Variants in CACNA1G observed in about 807,000 individuals in gnomAD.
CACNA1G encodes the protein calcium voltage-gated channel subunit alpha1 G.
A neutral mutation model predicts 219.4 loss-of-function variants in CACNA1G; 67 were observed. That is an observed-to-expected ratio of 0.31 (90% CI 0.25 to 0.37). CACNA1G has a LOEUF of 0.37. Ranked by LOEUF, CACNA1G falls within the 10% of genes least tolerant of loss-of-function variation. The pLI, the probability that CACNA1G is intolerant of heterozygous loss-of-function variation, is 1.00. For synonymous variants in CACNA1G, 1,296 were observed against 1,345.3 expected (o/e 0.96, Z 0.80); for missense variants, 2,380 against 3,231.4 (o/e 0.74, Z 6.39).
At chr17:50,594,415 G>A (rs1352937459) in intron 13 of CACNA1G, among the ~76,000 whole-genome samples, 1 of 152,202 alleles carries the variant, frequency 6.6e-6, no homozygotes, top group Non-Finnish European at 1.5e-5. Context: ...TATGAGGCCT[G>A]ACTTGGCTCC....
At chr17:50,614,881 T>G (rs970647553) in intron 26 of CACNA1G, among the ~76,000 whole-genome samples, 1 of 152,188 alleles carries the variant, frequency 6.6e-6, no homozygotes, top group African/African-American at 2.4e-5. Flanking sequence ...CGGTTTTATC[T>G]CCAAATCCCA....
chr17:50,579,236 G>A (rs928787539), intron 9 of CACNA1G, among the ~76,000 whole-genome samples: 8 of 152,190 alleles, frequency 5.3e-5, no homozygotes, highest in Non-Finnish European at 1.0e-4. Flanking sequence ...GGGCTCAGCA[G>A]GGACAGGCAA....
intron 1 of CACNA1G, among the ~76,000 whole-genome samples, chr17:50,567,994 G>A (rs753980733): frequency 6.6e-5 from 10 of 152,176 alleles, no homozygotes; most frequent in Non-Finnish European, 1.3e-4. Flanking sequence ...CACTCTGCAC[G>A]GCTTGGGAGC....
At position 50,603,182 on chromosome 17, in the gene CACNA1G, G is replaced by A; in HGVS notation, c.4152G>A (p.Arg1384=). 1 of 1,605,720 alleles carries A rather than the reference G, an allele frequency of 6.2e-7. No individual in the cohort carries two copies. The highest frequency in any genetic ancestry group is 8.5e-7 in the Non-Finnish European group (1 of 1,179,652). ...LGMLRVLRLL[R]TLRPLRVISR... ...TGCTGAGGGTGCTGCGGCTGCTGCG[G>A]ACCCTGCGCCCGCTCAGGTGACTCC... Residue 1384 remains arginine (R), a synonymous_variant, in exon 21 of 38, where the codon CGG becomes CGA. Coordinates refer to ENST00000359106, the MANE Select transcript of CACNA1G (RefSeq NM_018896.5). This position sits in a 1 kb window ranked among gnomAD's most constrained non-coding sequence, Gnocchi z 6.4.
intron 9 of CACNA1G, 36 bp from the exon 10 acceptor site, chr17:50,590,435 T>C (rs1198633438): frequency 4.3e-6 from 7 of 1,611,906 alleles, no homozygotes; most frequent in Non-Finnish European, 5.9e-6. Flanking sequence ...GGCTCAGTGA[T>C]AAGCCAGCTG....
In CACNA1G at chr17:50,626,063, G is replaced by C; in HGVS notation, c.6446G>C (p.Arg2149Pro). The C allele has an allele frequency of 6.2e-7, 1 of 1,613,262 alleles. No homozygotes were observed. Among genetic ancestry groups the C allele is most frequent in the Non-Finnish European group, 8.5e-7 (1 of 1,179,672 alleles). Residue 2149 changes from arginine (R) to proline (P), a missense_variant, in exon 38 of 38, where the codon CGG becomes CCG. This residue lies in a region of CACNA1G where 672 missense variants were observed against 670.5 expected (regional missense o/e 1.00). Transcript: ENST00000359106. The surrounding 1 kb of genome is among the most constrained non-coding windows in gnomAD (Gnocchi z 4.3). ...DSLDVQGLGS[R>P]EDLLAEVSGP... is the part of the protein sequence containing the mutation. Reference sequence around the variant, plus strand: ...TTGGACGTTCAGGGTCTGGGCAGCCGGGAAGACCTGCTGGCAGAGGTGAGT... The same window carrying C: ...TTGGACGTTCAGGGTCTGGGCAGCCCGGAAGACCTGCTGGCAGAGGTGAGT...
intron 7 of CACNA1G, among the ~76,000 whole-genome samples, chr17:50,574,360 G>C (rs955548206): frequency 2.0e-5 from 3 of 152,234 alleles, no homozygotes; most frequent in African/African-American, 7.2e-5. Context: ...ACAAAATAAG[G>C]CAGCTCCTTG....
intron 9 of CACNA1G, among the ~76,000 whole-genome samples, chr17:50,581,743 A>G (rs1315631129): frequency 6.6e-6 from 1 of 152,242 alleles, no homozygotes; most frequent in Non-Finnish European, 1.5e-5. Context: ...CTGAGGAGAG[A>G]GCAAGAAAAT....
chr17:50,618,316 A>C lies in CACNA1G; in HGVS notation c.5400A>C (p.Thr1800=). The change falls in exon 32 of 38, where the codon ACA becomes ACC. Residue 1800 remains threonine, a synonymous_variant. Coordinates refer to ENST00000359106, the MANE Select transcript of CACNA1G (RefSeq NM_018896.5). The surrounding 1 kb of genome is among the most constrained non-coding windows in gnomAD (Gnocchi z 5.3). ...TCCTAACCCTCTTCCGAGTCTCCAC[A>C]GGTGACAATTGGAATGGCATTATGA... ...MAFLTLFRVS[T]GDNWNGIMKD... is the part of the protein sequence containing the mutation. 1 of 1,613,880 alleles carries C rather than the reference A, an allele frequency of 6.2e-7. No individual in the cohort carries two copies. The highest frequency in any genetic ancestry group is 8.5e-7 in the Non-Finnish European group (1 of 1,179,816).
chr17:50,570,945 G>T (rs552835825), intron 4 of CACNA1G, among the ~76,000 whole-genome samples: 2 of 152,290 alleles, frequency 1.3e-5, no homozygotes, highest in South Asian at 2.1e-4. Context: ...GGGGCCAGGG[G>T]GCCATAGATG....
chr17:50,565,141 A>G (rs201917983), intron 1 of CACNA1G, among the ~76,000 whole-genome samples: 3 of 151,254 alleles, frequency 2.0e-5, no homozygotes, highest in East Asian at 3.9e-4. Flanking sequence ...GCACACACAC[A>G]CGCGCACACA....
intron 20 of CACNA1G, 41 bp from the exon 21 acceptor site, chr17:50,602,974 A>C: frequency 6.2e-7 from 1 of 1,609,850 alleles, no homozygotes; most frequent in Non-Finnish European, 8.5e-7. Flanking sequence ...GGTTGGCTGC[A>C]GCGCAGGGAG....
In CACNA1G at chr17:50,561,430, G is replaced by A. The variant is rs1229815779; in HGVS notation, c.-30G>A. 11 of 1,533,298 alleles carry A rather than the reference G, an allele frequency of 7.2e-6. No homozygotes were observed. The highest frequency in any genetic ancestry group is 1.2e-5 in the South Asian group (1 of 83,948). The allele number at this position is 1,533,298 out of a possible 1,614,324, so 95.0% of individuals were successfully genotyped here. On this transcript the variant is annotated 5_prime_UTR_variant, in exon 1 of 38. Coordinates refer to ENST00000359106, the MANE Select transcript of CACNA1G (RefSeq NM_018896.5). ...TGAGGGGCGCCGCTTGCCCCTCTCC[G>A]GATCGCCCGGGGCCCCGGCTGGCCA...
intron 1 of CACNA1G, among the ~76,000 whole-genome samples, chr17:50,568,605 CA>C (rs1170157631): frequency 6.6e-6 from 1 of 152,188 alleles, no homozygotes; most frequent in Non-Finnish European, 1.5e-5. Context: ...ATGGCTTGTG[CA>C]AATAGTCAGG....
intron 33 of CACNA1G, 68 bp downstream of exon 33, chr17:50,619,076 G>A (rs1454365903): frequency 1.2e-5 from 15 of 1,274,558 alleles, no homozygotes; most frequent in Middle Eastern, 5.2e-4. Flanking sequence ...GGTGGTGGGC[G>A]GGAGCCAAGC....
rs750694318 is a variant in CACNA1G at position 50,604,287 on chromosome 17, T to G, written c.4296+6T>G. On this transcript the variant is annotated splice_donor_region_variant and intron_variant, in intron 22 of 37. Transcript: ENST00000359106. ...TCGGCATCTTGGGGGTGCAGGTGTGTGGGGTTCTGGGGGCCAGCTGTGGGT... is the reference window on the plus strand; with the variant it reads ...TCGGCATCTTGGGGGTGCAGGTGTGGGGGGTTCTGGGGGCCAGCTGTGGGT... 6.2e-7 allele frequency: 1 copy of G among 1,612,778 alleles called. No individual in the cohort carries two copies. The highest frequency in any genetic ancestry group is 8.5e-7 in the Non-Finnish European group (1 of 1,179,006).
chr17:50,596,712 C>T lies in CACNA1G; in HGVS notation c.3065-18C>T. ...AGCCCTGTGTGGACTCGGGATCTCT[C>T]CCTCTCTCCCCGTGCAGTGGTGTCC... On this transcript the variant is annotated intron_variant, in intron 15 of 37. Transcript: ENST00000359106. The surrounding 1 kb of genome is among the most constrained non-coding windows in gnomAD (Gnocchi z 4.8). The T allele has an allele frequency of 6.2e-7, 1 of 1,613,488 alleles. No individual in the cohort carries two copies.
At chr17:50,598,583 G>A (rs891245084) in intron 16 of CACNA1G, among the ~76,000 whole-genome samples, 2 of 152,176 alleles carry the variant, frequency 1.3e-5, no homozygotes, top group Non-Finnish European at 2.9e-5. Context: ...GGACACAAGG[G>A]TTCCCTTTTC....
intron 10 of CACNA1G, 83 bp from the exon 11 acceptor site, chr17:50,591,352 T>TTGGG (rs1295653696): frequency 7.4e-7 from 1 of 1,354,050 alleles, no homozygotes; most frequent in Admixed American, 2.9e-5. Context: ...AGCCAGGCCC[T>TTGGG]TGGGTGCTAC....
Sources: allele counts gnomAD v4.1 joint callset (sites outside exome capture counted in the v4.1 genomes callset), GRCh38; gene constraint gnomAD v4.1.1; regional missense constraint gnomAD v4.1.1; non-coding constraint Gnocchi (gnomAD v3.1); transcripts MANE v1.5; gene names NCBI Gene and HGNC (gene_info 2026-07-23, HGNC 2026-07-21).